The following PTPRQ variants were observed in gnomAD, a reference collection of about 807,000 sequenced individuals.
The protein encoded by PTPRQ is protein tyrosine phosphatase receptor type Q.
Under a neutral mutation model 246.0 loss-of-function variants are expected in PTPRQ, and 199 were observed. The ratio of observed to expected loss-of-function variants is 0.81; its 90% CI spans 0.72 to 0.91. The LOEUF (loss-of-function observed/expected upper bound fraction) is 0.91. Among genes scored for constraint, PTPRQ ranks in the 40% least tolerant of loss-of-function variants. PTPRQ has a pLI of 0.00. For synonymous variants in PTPRQ, 869 were observed against 853.2 expected (o/e 1.02, Z -0.32); for missense variants, 2,624 against 2,528.4 (o/e 1.04, Z -0.81).
In PTPRQ at chr12:80,496,345, A is replaced by G; in HGVS notation, c.2086A>G (p.Ile696Val). 1.3e-6 allele frequency: 2 copies of G among 1,550,832 alleles called. No homozygotes were observed. Among genetic ancestry groups the G allele is most frequent in the Non-Finnish European group, 8.7e-7 (1 of 1,146,470 alleles). Residue 696 changes from isoleucine (I) to valine (V), a missense_variant, in exon 14 of 45, where the codon ATT becomes GTT. Coordinates refer to ENST00000644991, the MANE Select transcript of PTPRQ (RefSeq NM_001145026.2). Reference sequence around the variant, plus strand: ...ACCACCCGAAAAGCCCAATGGGATCATTATTGCTTATGAAGTGCTATATAA... The same window carrying G: ...ACCACCCGAAAAGCCCAATGGGATCGTTATTGCTTATGAAGTGCTATATAA... The part of the protein sequence containing the change: ...WSPPEKPNGI[I>V]IAYEVLYKNI...
chr12:80,630,495 T>C (rs927688756), intron 33 of PTPRQ, among the ~76,000 whole-genome samples: 1 of 152,178 alleles, frequency 6.6e-6, no homozygotes, highest in Admixed American at 6.5e-5. Context: ...TATCTGATTG[T>C]TACACGTGAT....
In PTPRQ at chr12:80,521,078, T is replaced by C. The variant is rs867552140; in HGVS notation, c.2678+10635T>C. On this transcript the variant is annotated intron_variant, in intron 17 of 44. Coordinates refer to ENST00000644991, the MANE Select transcript of PTPRQ (RefSeq NM_001145026.2). ...CTAACTGGTGTGAGATGGTATCTCA[T>C]TGTGGTTTTGATTTGCATTTCTCTG... 3.2e-3 allele frequency among the ~76,000 whole-genome samples: 488 copies of C among 152,202 alleles called. 4 individuals carry two copies. The highest frequency in any genetic ancestry group is 0.014 in the Middle Eastern group (4 of 294).
chr12:80,466,444 T>C (rs1893417273), intron 6 of PTPRQ, among the ~76,000 whole-genome samples: 2 of 152,210 alleles, frequency 1.3e-5, no homozygotes, highest in Admixed American at 6.5e-5. Context: ...AGGTAATTTA[T>C]AGATTCTATG....
In PTPRQ at chr12:80,555,158, T is replaced by A. The variant is rs369795082; in HGVS notation, c.4285+5424T>A. ...ATCGAACTCCTGACTTCATGTGATC[T>A]ACCTGCCTCGGCCTCCCAAAATGCT... On this transcript the variant is annotated intron_variant, in intron 25 of 44. Coordinates refer to ENST00000644991, the MANE Select transcript of PTPRQ (RefSeq NM_001145026.2). 5.9e-5 allele frequency among the ~76,000 whole-genome samples: 9 copies of A among 152,144 alleles called. No homozygotes were observed. The East Asian group carries it at 1.5e-3, about 26-fold the overall frequency.
chr12:80,654,691 TCCAA>T (rs1900372056), intron 38 of PTPRQ, among the ~76,000 whole-genome samples: 1 of 95,146 alleles, frequency 1.1e-5, no homozygotes, highest in African/African-American at 3.9e-5. Flanking sequence ...GTACTAAAAA[TCCAA>T]AAAAAAAAAA....
intron 39 of PTPRQ, among the ~76,000 whole-genome samples, chr12:80,663,836 C>T (rs1296503613): frequency 6.6e-6 from 1 of 151,754 alleles, no homozygotes; most frequent in Non-Finnish European, 1.5e-5. Flanking sequence ...ACTATCTGTC[C>T]AAATCCTTCT....
chr12:80,450,995 A>G (rs1342261082), intron 3 of PTPRQ, among the ~76,000 whole-genome samples: 2 of 152,176 alleles, frequency 1.3e-5, no homozygotes, highest in Non-Finnish European at 2.9e-5. Context: ...TCGGCTGTGA[A>G]TCCGTCTGGT....
rs1454067786 is a variant in PTPRQ, at chr12:80,520,393, G to A, written c.2678+9950G>A. 2.0e-5 allele frequency among the ~76,000 whole-genome samples: 3 copies of A among 151,916 alleles called. No homozygotes were observed. In the East Asian group the frequency reaches 5.8e-4, roughly 29 times the overall value. ...TTAAAATTATACTTTAAGTTTTAGG[G>A]TACATGTGCACAACGTGCAGGTTTG... On this transcript the variant is annotated intron_variant, in intron 17 of 44. Coordinates refer to ENST00000644991, the MANE Select transcript of PTPRQ (RefSeq NM_001145026.2).
At chr12:80,626,988 A>T (rs1040930552) in intron 33 of PTPRQ, among the ~76,000 whole-genome samples, 1 of 151,512 alleles carries the variant, frequency 6.6e-6, no homozygotes, top group Admixed American at 6.6e-5. Flanking sequence ...CTACCTTTAA[A>T]TTTTTTCCTG....
chr12:80,572,844 G>T (rs1054585410), intron 25 of PTPRQ, among the ~76,000 whole-genome samples: 1 of 151,922 alleles, frequency 6.6e-6, no homozygotes, highest in Admixed American at 6.6e-5. Context: ...TACATTCCTG[G>T]GATAAAACAC....
chr12:80,559,279 C>T (rs1357617969), intron 25 of PTPRQ, among the ~76,000 whole-genome samples: 1 of 152,096 alleles, frequency 6.6e-6, no homozygotes. Context: ...CTCCTGATTT[C>T]GTGATCCGCC....
At chr12:80,640,477 G>A (rs1899816083) in intron 35 of PTPRQ, among the ~76,000 whole-genome samples, 1 of 152,124 alleles carries the variant, frequency 6.6e-6, no homozygotes, top group Non-Finnish European at 1.5e-5. Flanking sequence ...TCTATGCTTA[G>A]AATGAAATTG....
intron 17 of PTPRQ, among the ~76,000 whole-genome samples, chr12:80,519,591 A>G (rs926072009): frequency 6.6e-6 from 1 of 152,158 alleles, no homozygotes; most frequent in African/African-American, 2.4e-5. Flanking sequence ...CTAAACATAC[A>G]TATTTAACCT....
intron 37 of PTPRQ, among the ~76,000 whole-genome samples, chr12:80,650,822 A>G (rs1900231868): frequency 7.6e-6 from 1 of 131,706 alleles, no homozygotes; most frequent in Admixed American, 7.0e-5. Flanking sequence ...TTTATTAGCA[A>G]TAACATTTTC....
chr12:80,650,214 G>A (rs774298440), intron 37 of PTPRQ, among the ~76,000 whole-genome samples: 18 of 151,728 alleles, frequency 1.2e-4, no homozygotes, highest in Non-Finnish European at 2.2e-4. Flanking sequence ...CGTTTTACAG[G>A]GGGCCTTTTT....
chr12:80,649,580 A>C lies in PTPRQ; in HGVS notation c.5943-8A>C. 6.5e-7 allele frequency: 1 copy of C among 1,549,884 alleles called. No individual in the cohort carries two copies. The highest frequency in any genetic ancestry group is 8.7e-7 in the Non-Finnish European group (1 of 1,145,798). On this transcript the variant is annotated splice_region_variant and splice_polypyrimidine_tract_variant and intron_variant, in intron 36 of 44. Coordinates refer to ENST00000644991, the MANE Select transcript of PTPRQ (RefSeq NM_001145026.2). ...ATGACCCTATTTTATACCTTTCTTT[A>C]CTTGGAGGCCAATAAGCAAGAAATC...
At chr12:80,576,380 G>A (rs1202514111) in intron 25 of PTPRQ, among the ~76,000 whole-genome samples, 3 of 151,988 alleles carry the variant, frequency 2.0e-5, no homozygotes, top group Admixed American at 2.0e-4. Context: ...GACCTCAGGT[G>A]ATCTTCCTGC....
chr12:80,651,484 C>T (rs1900256143), intron 37 of PTPRQ, among the ~76,000 whole-genome samples: 1 of 151,868 alleles, frequency 6.6e-6, no homozygotes, highest in Admixed American at 6.6e-5. Flanking sequence ...GATAGGAATG[C>T]AAAAACGGTC....
chr12:80,661,075 C>T (rs1565847238), intron 39 of PTPRQ, among the ~76,000 whole-genome samples: 2 of 151,716 alleles, frequency 1.3e-5, no homozygotes, highest in African/African-American at 4.8e-5. Flanking sequence ...TTGAGGACCC[C>T]TAAAACACAT....
Sources: allele counts gnomAD v4.1 joint callset (sites outside exome capture counted in the v4.1 genomes callset), GRCh38; gene constraint gnomAD v4.1.1; transcripts MANE v1.5; gene names NCBI Gene and HGNC (gene_info 2026-07-23, HGNC 2026-07-21).